Variants in ITIH5 observed in about 807,000 individuals in gnomAD.
ITIH5 encodes the protein inter-alpha-trypsin inhibitor heavy chain H5.
Under a neutral mutation model 77.5 loss-of-function variants are expected in ITIH5, and 65 were observed. That is an observed-to-expected ratio of 0.84 (90% confidence interval 0.69 to 1.03). The LOEUF (loss-of-function observed/expected upper bound fraction) is 1.03. ITIH5 is among the 50% of genes least tolerant of loss of function. The probability of loss-of-function intolerance (pLI) is 0.00; values close to 1 mark genes in which losing one functional copy is unlikely to be tolerated. For synonymous variants in ITIH5, 525 were observed against 494.3 expected (o/e 1.06, Z -0.82); for missense variants, 1,208 against 1,213.1 (o/e 1.00, Z 0.06).
intron 7 of ITIH5, among the ~76,000 whole-genome samples, chr10:7,595,215 G>A (rs1363301522): frequency 6.6e-6 from 1 of 151,872 alleles, no homozygotes; most frequent in Non-Finnish European, 1.5e-5. Flanking sequence ...CGAGACCCTA[G>A]CTCTAAAATG....
chr10:7,573,673 C>CAA (rs35214432), intron 10 of ITIH5, among the ~76,000 whole-genome samples: 5,210 of 108,540 alleles, frequency 0.048, 191 homozygotes, highest in Middle Eastern at 0.1. Flanking sequence ...GAGACTGTCT[C>CAA]AAAAAAAAAA....
chr10:7,648,475 G>A (rs910828452), intron 2 of ITIH5, among the ~76,000 whole-genome samples: 8 of 152,188 alleles, frequency 5.3e-5, no homozygotes, highest in Non-Finnish European at 1.0e-4. Flanking sequence ...GTCATATTCT[G>A]ACACTTCAAA....
In ITIH5 at chr10:7,628,684, C is replaced by T. The variant is rs559662068; in HGVS notation, c.652+8544G>A. ...GTTGTCACATGTGTCCATGTTGTAG[C>T]GTGTGTCCATGTTGCAGCGTGTGTC... On this transcript the variant is annotated intron_variant, in intron 5 of 13. Transcript: ENST00000397146. 1.7e-4 allele frequency among the ~76,000 whole-genome samples: 21 copies of T among 123,866 alleles called. 1 individual carries two copies. The South Asian group carries it at 2.2e-3, about 13-fold the overall frequency. The allele number at this position is 123,866 out of a possible 152,430, so 81.3% of individuals were successfully genotyped here. A position where few individuals can be genotyped will look rare whatever the true frequency, so the allele number is the denominator to read the frequency against.
chr10:7,616,228 G>A (rs926144319), intron 6 of ITIH5, 130 bp from the exon 7 acceptor site: 23 of 621,262 alleles, frequency 3.7e-5, no homozygotes, highest in African/African-American at 1.5e-4. Context: ...TTCCACACCC[G>A]GAGTAAAATT....
chr10:7,655,152 G>A lies in ITIH5; in HGVS notation c.135+479C>T, dbSNP rs181901464. Reference sequence around the variant, plus strand: ...TCACTCCATGCACAGTGGTAAGGAAGAACTGAGGTAGTTTCAAATAAGCTC... The same window carrying A: ...TCACTCCATGCACAGTGGTAAGGAAAAACTGAGGTAGTTTCAAATAAGCTC... On this transcript the variant is annotated intron_variant, in intron 2 of 13. Transcript: ENST00000397146. Among the ~76,000 whole-genome samples the A allele has an allele frequency of 2.6e-5, 4 of 152,240 alleles. No homozygotes were observed. The East Asian group carries it at 7.7e-4, about 29-fold the overall frequency.
rs183590149 is a variant in ITIH5 at position 7,575,033 on chromosome 10, A to G, written c.1978+1420T>C. Among the ~76,000 whole-genome samples the G allele has an allele frequency of 5.8e-4, 89 of 152,234 alleles. 2 individuals are homozygous for G. In the South Asian group the frequency reaches 7.7e-3, roughly 13 times the overall value. ...CATCCTGCCACATGCTTTTAATCAC[A>G]ACAAAAATTGTGTACGTTTTGCCAA... On this transcript the variant is annotated intron_variant, in intron 10 of 13. Coordinates refer to ENST00000397146, the MANE Select transcript of ITIH5 (RefSeq NM_030569.7).
intron 7 of ITIH5, among the ~76,000 whole-genome samples, chr10:7,592,585 C>T (rs965307295): frequency 6.6e-6 from 1 of 152,154 alleles, no homozygotes; most frequent in Non-Finnish European, 1.5e-5. Flanking sequence ...ACATGAGACA[C>T]AGCCCAGCCC....
rs368004189 is a variant in ITIH5 at position 7,579,986 on chromosome 10, C to T, written c.1187G>A (p.Arg396Gln). 1.4e-5 allele frequency: 23 copies of T among 1,613,992 alleles called. No individual in the cohort carries two copies. Among genetic ancestry groups the T allele is most frequent in the Middle Eastern group, 3.3e-4 (2 of 6,076 alleles). Reference protein sequence around the residue: ...KYVAHSGIGDRSVSLIVFLTD... With the variant: ...KYVAHSGIGDQSVSLIVFLTD... ...CAGGAAGACGATGAGGGACACGCTC[C>T]GGTCTCCAATGCCACTGTGGGCCAC... The change falls in exon 9 of 14, where the codon CGG (arginine) becomes CAG (glutamine). Residue 396 changes from arginine (R) to glutamine (Q), a missense_variant. Coordinates refer to ENST00000397146, the MANE Select transcript of ITIH5 (RefSeq NM_030569.7).
chr10:7,603,837 C>A (rs1198522070), intron 7 of ITIH5, among the ~76,000 whole-genome samples: 1 of 152,178 alleles, frequency 6.6e-6, no homozygotes, highest in Non-Finnish European at 1.5e-5. Flanking sequence ...CCCTCCTCGG[C>A]CTCCCAAAGT....
At chr10:7,624,783 C>G (rs1368289323) in intron 5 of ITIH5, among the ~76,000 whole-genome samples, 1 of 13,960 alleles carries the variant, frequency 7.2e-5, no homozygotes. Context: ...GAGACTCTGC[C>G]TAAAAAAAAA....
At chr10:7,564,599 G>A (rs1191720347) in intron 13 of ITIH5, among the ~76,000 whole-genome samples, 7 of 151,994 alleles carry the variant, frequency 4.6e-5, no homozygotes, top group Non-Finnish European at 8.8e-5. Context: ...TAGCTGAGTG[G>A]GTAGTATGCG....
chr10:7,650,538 C>T (rs1834081485), intron 2 of ITIH5, among the ~76,000 whole-genome samples: 2 of 152,086 alleles, frequency 1.3e-5, no homozygotes, highest in Admixed American at 1.3e-4. Flanking sequence ...AGTTTGAGAC[C>T]AGCCTGGCCA....
At position 7,576,644 on chromosome 10, in the gene ITIH5, G is replaced by T. The variant is rs373322276; in HGVS notation, c.1787C>A (p.Pro596Gln). 34 of 1,614,034 alleles carry T rather than the reference G, an allele frequency of 2.1e-5. No individual in the cohort carries two copies. Among genetic ancestry groups the T allele is most frequent in the Admixed American group, 6.7e-5 (4 of 60,006 alleles). ...LSSWLQSDDE[P>Q]EKERLRQRAQ... ...CCGCTGCCGCAGCCGCTCCTTCTCCGGTTCATCGTCACTTTGCAGCCAGGA... is the reference window on the plus strand; with the variant it reads ...CCGCTGCCGCAGCCGCTCCTTCTCCTGTTCATCGTCACTTTGCAGCCAGGA... Residue 596 changes from proline (P) to glutamine (Q), a missense_variant, in exon 10 of 14, where the codon CCG (proline) becomes CAG (glutamine). By Grantham distance (76) the Pro-to-Gln change is moderately conservative. Transcript: ENST00000397146.
At chr10:7,635,684 A>G (rs1290089541) in intron 5 of ITIH5, among the ~76,000 whole-genome samples, 3 of 152,176 alleles carry the variant, frequency 2.0e-5, no homozygotes, top group African/African-American at 7.2e-5. Context: ...TCACATAGTC[A>G]TTAACTCAAC....
At position 7,563,025 on chromosome 10, in the gene ITIH5, C is replaced by T; in HGVS notation, c.*58G>A. On this transcript the variant is annotated 3_prime_UTR_variant, in exon 14 of 14. Transcript: ENST00000397146. The stretch of plus-strand genomic sequence containing the variant: ...GTGTACAAGCCATGAAAAGAGCTGC[C>T]CCACGGCCTCCCCACATCACTGTCC... 6.7e-7 allele frequency: 1 copy of T among 1,500,262 alleles called. No individual in the cohort carries two copies. Among genetic ancestry groups the T allele is most frequent in the Non-Finnish European group, 9.3e-7 (1 of 1,076,952 alleles). The allele number at this position is 1,500,262 out of a possible 1,614,324, so 92.9% of individuals were successfully genotyped here.
intron 5 of ITIH5, chr10:7,619,375 T>A: frequency 6.5e-6 from 1 of 152,820 alleles, no homozygotes; most frequent in East Asian, 1.9e-4. Context: ...GCCTTGGTTA[T>A]CTCATCTGTA....
In ITIH5 at chr10:7,617,209, A is replaced by C; in HGVS notation, c.726T>G (p.Thr242=). 6.2e-7 allele frequency: 1 copy of C among 1,604,164 alleles called. No individual in the cohort carries two copies. The highest frequency in any genetic ancestry group is 8.5e-7 in the Non-Finnish European group (1 of 1,175,616). The change falls in exon 6 of 14, where the codon ACT becomes ACG. Residue 242 remains threonine, a synonymous_variant. Transcript: ENST00000397146. ...GGGCAATCCTGGCTTGTTGTACTACAGTAGGTTTAAAAATTATGTTGGCAA... is the reference window on the plus strand; with the variant it reads ...GGGCAATCCTGGCTTGTTGTACTACCGTAGGTTTAAAAATTATGTTGGCAA... The part of the protein sequence containing the change: ...ETFANIIFKP[T]VVQQARIAQN...
At chr10:7,614,204 T>C (rs1833316820) in intron 7 of ITIH5, among the ~76,000 whole-genome samples, 1 of 152,078 alleles carries the variant, frequency 6.6e-6, no homozygotes, top group East Asian at 1.9e-4. Flanking sequence ...GGAACCCAGA[T>C]GGAAAGTCAA....
intron 7 of ITIH5, among the ~76,000 whole-genome samples, chr10:7,607,806 C>T (rs1410062403): frequency 6.6e-6 from 1 of 152,222 alleles, no homozygotes; most frequent in Admixed American, 6.5e-5. Context: ...AAGAGCGAAG[C>T]TCAGTCTCGA....
Sources: gnomAD v4.1 joint callset for allele counts (sites outside exome capture counted in the v4.1 genomes callset) on GRCh38, gnomAD v4.1.1 for gene constraint, MANE v1.5 for transcripts, NCBI Gene and HGNC (gene_info 2026-07-23, HGNC 2026-07-21) for gene names.